Variants in ETV3 observed in about 807,000 individuals in gnomAD.
ETV3 encodes ETS translocation variant 3.
A neutral mutation model predicts 33.0 loss-of-function variants in ETV3; 8 were observed. That is an observed-to-expected ratio of 0.24 (90% CI 0.14 to 0.44). The LOEUF (loss-of-function observed/expected upper bound fraction) is 0.44. ETV3 is among the 20% of genes least tolerant of loss of function. The pLI, the probability that ETV3 is intolerant of heterozygous loss-of-function variation, is 1.00. For missense variants in ETV3, 473 were observed against 652.3 expected, an observed-to-expected ratio of 0.73 and a Z score of 2.99; for synonymous variants, 222 against 238.9, an observed-to-expected ratio of 0.93 and a Z score of 0.65.
chr1:157,130,094 C>T (rs1406727140), intron 4 of ETV3, among the ~76,000 whole-genome samples: 1 of 152,176 alleles, frequency 6.6e-6, no homozygotes, highest in East Asian at 1.9e-4. Flanking sequence ...CGCCCACCTC[C>T]GCCTCCCAAA....
chr1:157,133,695 G>C (rs1675026406), intron 4 of ETV3: 1 of 995,692 alleles, frequency 1.0e-6, no homozygotes, highest in African/African-American at 1.7e-5. Context: ...ATATTCACTT[G>C]ATAAGGGAGA....
At chr1:157,128,455 A>G in intron 4 of ETV3, 1 of 329,482 alleles carries the variant, frequency 3.0e-6, no homozygotes, top group Non-Finnish European at 6.2e-6. Context: ...GACTGGGCCT[A>G]ATCTCCATGT....
rs987818164 is a variant in ETV3, at chr1:157,125,696, G to A, written c.684C>T (p.Asp228=). The A allele has an allele frequency of 6.4e-6, 10 of 1,551,564 alleles. No individual in the cohort carries two copies. The African/African-American group carries it at 6.8e-5, about 11-fold the overall frequency. The change falls in exon 5 of 5, where the codon GAC becomes GAT. Residue 228 remains aspartate (D), a synonymous_variant. Transcript: ENST00000368192. This position sits in a 1 kb window ranked among gnomAD's most constrained non-coding sequence, Gnocchi z 4.0. ...GGIGHQKRKP[D]IMLPLFARPG... is the part of the protein sequence containing the mutation. ...GCCTAGCAAACAGAGGAAGCATTAT[G>A]TCAGGCTTGCGTTTCTGATGGCCAA... is the stretch of plus-strand genomic sequence containing the variant.
rs561315293 is a variant in ETV3 at position 157,134,007 on chromosome 1, T to C, written c.400+105A>G. The C allele has an allele frequency of 6.6e-5, 100 of 1,518,010 alleles. No individual in the cohort carries two copies. In the African/African-American group the frequency reaches 1.2e-3, roughly 18 times the overall value. 94.0% of individuals were successfully genotyped at this position (1,518,010 alleles called of 1,614,324 possible). A position where few individuals can be genotyped will look rare whatever the true frequency, so the allele number is the denominator to read the frequency against. ...GGCAATCCAAAGGATCACATTATTTTAGTGTTTCTAAAATCTTCCTAAACA... is the reference window on the plus strand; with the variant it reads ...GGCAATCCAAAGGATCACATTATTTCAGTGTTTCTAAAATCTTCCTAAACA... On this transcript the variant is annotated intron_variant, in intron 4 of 4. Transcript: ENST00000368192.
chr1:157,125,787 G>C lies in ETV3; in HGVS notation c.593C>G (p.Ser198Ter). Residue 198 changes from serine (S) to a stop codon, truncating the protein, a stop_gained, in exon 5 of 5, where the codon TCA becomes TGA. Transcript: ENST00000368192. LOFTEE classifies it high-confidence loss of function. This position sits in a 1 kb window ranked among gnomAD's most constrained non-coding sequence, Gnocchi z 4.0. ...CACACCCCGGCGCCAGTCAGCAGCT[G>C]AGCCATCCTCCAGCTCTGAAAGCTC... is the stretch of plus-strand genomic sequence containing the variant. ...KTELSELEDGSAADWRRGVDP... is the reference protein window; with the variant it reads ...KTELSELEDG 1 of 1,551,696 alleles carries C rather than the reference G, an allele frequency of 6.4e-7. No individual in the cohort carries two copies. The highest frequency in any genetic ancestry group is 8.7e-7 in the Non-Finnish European group (1 of 1,147,004).
chr1:157,133,566 T>G (rs1029149752), intron 4 of ETV3: 3 of 986,572 alleles, frequency 3.0e-6, no homozygotes, highest in African/African-American at 3.5e-5. Flanking sequence ...GGAGAGAAGG[T>G]CAAGTAACCC....
intron 4 of ETV3, among the ~76,000 whole-genome samples, chr1:157,131,375 T>C (rs964498249): frequency 3.3e-5 from 5 of 152,228 alleles, no homozygotes; most frequent in Non-Finnish European, 5.9e-5. Flanking sequence ...CTTGTGGACA[T>C]GATCTCAATG....
chr1:157,128,869 C>G (rs775217011), intron 4 of ETV3, among the ~76,000 whole-genome samples: 2 of 152,118 alleles, frequency 1.3e-5, no homozygotes, highest in Admixed American at 6.6e-5. Context: ...AACGGTAATT[C>G]CGATTTAGTA....
At chr1:157,129,397 T>G in intron 4 of ETV3, among the ~76,000 whole-genome samples, 1 of 152,236 alleles carries the variant, frequency 6.6e-6, no homozygotes, top group East Asian at 1.9e-4. Flanking sequence ...TAAACAGCCA[T>G]TCAGAAACAT....
At position 157,125,044 on chromosome 1, in the gene ETV3, C is replaced by T. The variant is rs1425707725; in HGVS notation, c.1336G>A (p.Glu446Lys). The part of the protein sequence containing the change: ...PISTPSGEPL[E>K]VTEDSEDRPG... ...CTATCCTCACTGTCTTCAGTCACCT[C>T]CAGAGGTTCTCCACTTGGGGTGCTA... The change falls in exon 5 of 5, where the codon GAG becomes AAG. Residue 446 changes from glutamate to lysine, a missense_variant. Around this residue, in one of 3 missense-constraint regions of ETV3, gnomAD observed 410 missense variants for 520.2 expected, o/e 0.79. Coordinates refer to ENST00000368192, the MANE Select transcript of ETV3 (RefSeq NM_001145312.3). This position sits in a 1 kb window ranked among gnomAD's most constrained non-coding sequence, Gnocchi z 4.0. The T allele has an allele frequency of 7.1e-6, 11 of 1,550,328 alleles. No homozygotes were observed. The highest frequency in any genetic ancestry group is 9.6e-6 in the Non-Finnish European group (11 of 1,146,312).
Position 157,125,595 on chromosome 1 carries a change from G to T in ETV3, c.785C>A (p.Pro262His). 6.4e-7 allele frequency: 1 copy of T among 1,551,782 alleles called. No homozygotes were observed. The highest frequency in any genetic ancestry group is 8.7e-7 in the Non-Finnish European group (1 of 1,147,002). ...IPGRGGVLNV[P>H]ISPALSLTPT... ...AGTCAGGGAGAGGGCTGGTGAAATG[G>T]GGACATTAAGGACACCTCCGCGGCC... The change falls in exon 5 of 5, where the codon CCC becomes CAC. Residue 262 changes from proline to histidine, a missense_variant. Coordinates refer to ENST00000368192, the MANE Select transcript of ETV3 (RefSeq NM_001145312.3). This position sits in a 1 kb window ranked among gnomAD's most constrained non-coding sequence, Gnocchi z 4.0.
rs1320270663 is a variant in ETV3, at chr1:157,133,617, G to A, written c.400+495C>T. The A allele has an allele frequency of 4.1e-6, 4 of 987,050 alleles. No individual in the cohort carries two copies. The African/African-American group carries it at 5.2e-5, about 13-fold the overall frequency. The allele number at this position is 987,050 out of a possible 1,614,324, so 61.1% of individuals were successfully genotyped here. On this transcript the variant is annotated intron_variant, in intron 4 of 4. Coordinates refer to ENST00000368192, the MANE Select transcript of ETV3 (RefSeq NM_001145312.3). ...TGAGGATTTGCTGTTGCAGATCAAA[G>A]ACACTGCTTTTCACTGCAAACATGT...
chr1:157,133,783 T>G (rs1675028515), intron 4 of ETV3: 1 of 1,062,252 alleles, frequency 9.4e-7, no homozygotes. Flanking sequence ...GGGCTGGGTG[T>G]TAAAACTGAG....
chr1:157,122,479 G>A lies in ETV3; in HGVS notation c.*2362C>T, dbSNP rs1674726806. 1 of 152,062 alleles carries A rather than the reference G, an allele frequency of 6.6e-6. No homozygotes were observed. The highest frequency in any genetic ancestry group is 1.5e-5 in the Non-Finnish European group (1 of 68,010). The allele number at this position is 152,062 out of a possible 1,614,324, so 9.4% of individuals were successfully genotyped here. A position where few individuals can be genotyped will look rare whatever the true frequency, so the allele number is the denominator to read the frequency against. ...TTTTTCATGGAGTTGAACATTTTTC[G>A]AGTGTGTTTTTTTCAAGTGTAAAAG... is the stretch of plus-strand genomic sequence containing the variant. On this transcript the variant is annotated 3_prime_UTR_variant, in exon 5 of 5. Coordinates refer to ENST00000368192, the MANE Select transcript of ETV3 (RefSeq NM_001145312.3).
chr1:157,137,822 C>T (rs12727705), intron 1 of ETV3, among the ~76,000 whole-genome samples: 7,190 of 152,210 alleles, frequency 0.047, 233 homozygotes, highest in Non-Finnish European at 0.067. Context: ...CCAATTTTCC[C>T]CATAAAAGTC....
intron 4 of ETV3, among the ~76,000 whole-genome samples, chr1:157,132,633 G>C (rs2103204712): frequency 6.6e-6 from 1 of 152,258 alleles, no homozygotes; most frequent in South Asian, 2.1e-4. Context: ...GCAAGAGTGA[G>C]AAACAGAGGA....
chr1:157,125,420 G>C lies in ETV3; in HGVS notation c.960C>G (p.Pro320=). ...GTGGAACCATGAGCCCTGGGTAACG[G>C]GGAAAAGTCCGAGGACTCAGATGGT... The part of the protein sequence containing the change: ...FNYHLSPRTF[P]RYPGLMVPPL... The change falls in exon 5 of 5, where the codon CCC becomes CCG. Residue 320 remains proline, a synonymous_variant. Coordinates refer to ENST00000368192, the MANE Select transcript of ETV3 (RefSeq NM_001145312.3). The surrounding 1 kb of genome is among the most constrained non-coding windows in gnomAD (Gnocchi z 4.0). 6.4e-7 allele frequency: 1 copy of C among 1,552,208 alleles called. No homozygotes were observed. Among genetic ancestry groups the C allele is most frequent in the East Asian group, 2.4e-5 (1 of 40,916 alleles).
intron 4 of ETV3, among the ~76,000 whole-genome samples, chr1:157,132,039 T>C (rs1244303221): frequency 2.0e-5 from 3 of 152,234 alleles, no homozygotes; most frequent in Non-Finnish European, 4.4e-5. Context: ...CTCAGCTCAC[T>C]GCGACCTCTG....
intron 4 of ETV3, chr1:157,133,730 G>C: frequency 9.9e-7 from 1 of 1,005,636 alleles, no homozygotes; most frequent in African/African-American, 1.7e-5. Flanking sequence ...CAGAAAATCG[G>C]AAGTGTTTGT....
Sources: allele counts gnomAD v4.1 joint callset (sites outside exome capture counted in the v4.1 genomes callset), GRCh38; gene constraint gnomAD v4.1.1; regional missense constraint gnomAD v4.1.1; non-coding constraint Gnocchi (gnomAD v3.1); transcripts MANE v1.5; gene names NCBI Gene and HGNC (gene_info 2026-07-23, HGNC 2026-07-21).